Variants in ANKS1B observed in about 807,000 individuals in gnomAD.
The protein encoded by ANKS1B is ankyrin repeat and sterile alpha motif domain containing 1B.
ANKS1B carries 36 observed loss-of-function variants against 148.3 expected under a neutral mutation model. That is an observed-to-expected ratio of 0.24 (90% CI 0.19 to 0.32). ANKS1B has a LOEUF of 0.32. Among genes scored for constraint, ANKS1B ranks in the 10% least tolerant of loss-of-function variants. The probability of loss-of-function intolerance (pLI) is 1.00; values close to 1 mark genes in which losing one functional copy is unlikely to be tolerated. For missense variants in ANKS1B, 1,157 were observed against 1,542.6 expected (o/e 0.75, Z 4.19); for synonymous variants, 542 against 560.8 (o/e 0.97, Z 0.47).
At chr12:99,694,648 T>C (rs1210503969) in intron 8 of ANKS1B, among the ~76,000 whole-genome samples, 1 of 152,140 alleles carries the variant, frequency 6.6e-6, no homozygotes, top group Non-Finnish European at 1.5e-5. Context: ...TACAGAATTA[T>C]CCATGTCTAG....
At chr12:99,267,680 T>C (rs537137474) in intron 12 of ANKS1B, among the ~76,000 whole-genome samples, 25 of 152,316 alleles carry the variant, frequency 1.6e-4, no homozygotes, top group African/African-American at 6.0e-4. Flanking sequence ...CTTATAGTTA[T>C]AAAACATACA....
intron 9 of ANKS1B, among the ~76,000 whole-genome samples, chr12:99,569,110 C>T (rs185348597): frequency 2.0e-5 from 3 of 152,292 alleles, no homozygotes; most frequent in South Asian, 2.1e-4. Flanking sequence ...TACTCCACCT[C>T]GAGTGGTTCC....
chr12:99,849,281 A>G (rs1322002585), intron 1 of ANKS1B, among the ~76,000 whole-genome samples: 1 of 152,122 alleles, frequency 6.6e-6, no homozygotes, highest in Non-Finnish European at 1.5e-5. Flanking sequence ...ACATATATGT[A>G]TATACACATA....
At chr12:99,046,015 G>A (rs2099962075) in intron 17 of ANKS1B, among the ~76,000 whole-genome samples, 1 of 152,182 alleles carries the variant, frequency 6.6e-6, no homozygotes, top group Non-Finnish European at 1.5e-5. Context: ...CTGAAAAGAT[G>A]AGTAGGAATA....
At chr12:99,534,979 G>C (rs2137192) in intron 9 of ANKS1B, among the ~76,000 whole-genome samples, 35,669 of 151,772 alleles carry the variant, frequency 0.24, 4,312 homozygotes, top group Admixed American at 0.26. Flanking sequence ...AAAGTGCTGG[G>C]ATTACAGGCA....
intron 12 of ANKS1B, among the ~76,000 whole-genome samples, chr12:99,372,118 A>G (rs2093168263): frequency 6.6e-6 from 1 of 152,122 alleles, no homozygotes; most frequent in African/African-American, 2.4e-5. Flanking sequence ...ACTCTACTGT[A>G]ACTATGGAGT....
intron 15 of ANKS1B, among the ~76,000 whole-genome samples, chr12:99,153,069 G>A (rs1439067339): frequency 6.6e-6 from 1 of 152,024 alleles, no homozygotes; most frequent in Non-Finnish European, 1.5e-5. Flanking sequence ...AGCATTCTGT[G>A]CATGCAATTA....
At chr12:99,055,479 G>C (rs1200446991) in intron 16 of ANKS1B, among the ~76,000 whole-genome samples, 2 of 152,164 alleles carry the variant, frequency 1.3e-5, no homozygotes, top group African/African-American at 4.8e-5. Flanking sequence ...GTTACCACAG[G>C]TTACCCCCAA....
chr12:99,556,325 T>C (rs1159033683), intron 9 of ANKS1B, among the ~76,000 whole-genome samples: 1 of 152,150 alleles, frequency 6.6e-6, no homozygotes, highest in Non-Finnish European at 1.5e-5. Context: ...TCTCTCTTTT[T>C]TTCTTTAGTA....
In ANKS1B at chr12:99,948,936, G is replaced by A. The variant is rs565575087; in HGVS notation, c.134+35168C>T. The stretch of plus-strand genomic sequence containing the variant: ...TTAAGATGGGGAAGACACAATCTGA[G>A]CCCAGCTGCTAAGTGTTGGGGGATA... On this transcript the variant is annotated intron_variant, in intron 1 of 26. Transcript: ENST00000683438. Among the ~76,000 whole-genome samples the A allele has an allele frequency of 7.2e-5, 11 of 152,258 alleles. 1 individual carries two copies. The East Asian group carries it at 1.3e-3, about 19-fold the overall frequency.
At chr12:99,861,532 C>T (rs969526569) in intron 1 of ANKS1B, among the ~76,000 whole-genome samples, 1 of 152,074 alleles carries the variant, frequency 6.6e-6, no homozygotes, top group African/African-American at 2.4e-5. Context: ...TTTTGTCTAT[C>T]AGTAATTGTC....
chr12:99,925,076 G>A (rs543062286), intron 1 of ANKS1B, among the ~76,000 whole-genome samples: 1 of 152,256 alleles, frequency 6.6e-6, no homozygotes, highest in East Asian at 1.9e-4. Flanking sequence ...ATGACAAAGA[G>A]TGCGAGGGTG....
intron 10 of ANKS1B, among the ~76,000 whole-genome samples, chr12:99,486,532 A>C (rs1355629407): frequency 6.6e-6 from 1 of 151,730 alleles, no homozygotes; most frequent in African/African-American, 2.4e-5. Flanking sequence ...TTGATGGTTC[A>C]GGCTTCAGGC....
At chr12:99,077,862 G>A (rs2048356097) in intron 16 of ANKS1B, among the ~76,000 whole-genome samples, 1 of 152,150 alleles carries the variant, frequency 6.6e-6, no homozygotes, top group African/African-American at 2.4e-5. Context: ...TCCTTTCAAA[G>A]GCTGAAATAA....
At position 99,739,343 on chromosome 12, in the gene ANKS1B, G is replaced by T. The variant is rs1204494516; in HGVS notation, c.1128+33579C>A. On this transcript the variant is annotated intron_variant, in intron 8 of 26. Transcript: ENST00000683438. Reference sequence around the variant, plus strand: ...TGATTTGATGGGGAGGGTTTTTTTTGGGGGGGGCGGGGCCAAAAAAAAAGT... The same window carrying T: ...TGATTTGATGGGGAGGGTTTTTTTTTGGGGGGGCGGGGCCAAAAAAAAAGT... 5.1e-5 allele frequency among the ~76,000 whole-genome samples: 6 copies of T among 118,120 alleles called. No individual in the cohort carries two copies. The South Asian group carries it at 1.1e-3, about 21-fold the overall frequency. 77.5% of individuals were successfully genotyped at this position (118,120 alleles called of 152,430 possible).
At chr12:99,711,918 ACAAAAG>A (rs1423019105) in intron 8 of ANKS1B, among the ~76,000 whole-genome samples, 3 of 152,226 alleles carry the variant, frequency 2.0e-5, no homozygotes, top group Admixed American at 6.5e-5. Context: ...AGCACTATTC[ACAAAAG>A]CAAAGACATG....
rs2099790323 is a variant in ANKS1B, at chr12:98,913,899, T to G, written c.2779-81763A>C. 2.0e-5 allele frequency among the ~76,000 whole-genome samples: 3 copies of G among 152,170 alleles called. No homozygotes were observed. In the South Asian group the frequency reaches 6.2e-4, roughly 32 times the overall value. On this transcript the variant is annotated intron_variant, in intron 17 of 26. Coordinates refer to ENST00000683438, the MANE Select transcript of ANKS1B (RefSeq NM_001352186.2). ...GCCCGCCTTGGCCTCCCACAAACTG[T>G]CAATTTCTACCCCAAACCTGCTCTT...
At chr12:99,239,865 G>A (rs1190452873) in intron 14 of ANKS1B, among the ~76,000 whole-genome samples, 1 of 152,170 alleles carries the variant, frequency 6.6e-6, no homozygotes, top group East Asian at 1.9e-4. Flanking sequence ...ACAAGCAAAT[G>A]CTGAGAGATT....
At chr12:99,727,327 C>T (rs549041184) in intron 8 of ANKS1B, among the ~76,000 whole-genome samples, 1 of 152,102 alleles carries the variant, frequency 6.6e-6, no homozygotes, top group South Asian at 2.1e-4. Context: ...AAATCACAAG[C>T]ATTCCTATAC....
Sources: gnomAD v4.1 joint callset for allele counts (sites outside exome capture counted in the v4.1 genomes callset) on GRCh38, gnomAD v4.1.1 for gene constraint, MANE v1.5 for transcripts, NCBI Gene and HGNC (gene_info 2026-07-23, HGNC 2026-07-21) for gene names.